The following PFDN1 variants were observed in gnomAD, a reference collection of about 807,000 sequenced individuals.
PFDN1 encodes the protein prefoldin subunit 1, also known as prefoldin 1.
A neutral mutation model predicts 17.3 loss-of-function variants in PFDN1; 6 were observed. The ratio of observed to expected loss-of-function variants is 0.35; its 90% CI spans 0.19 to 0.69. The LOEUF (loss-of-function observed/expected upper bound fraction) is 0.69, where lower values mean the gene tolerates loss of function less well. PFDN1 is among the 30% of genes least tolerant of loss of function. The pLI is 0.65. For missense variants in PFDN1, 113 were observed against 146.2 expected (o/e 0.77, Z 1.17); for synonymous variants, 58 against 50.1 (o/e 1.16, Z -0.67).
At chr5:140,287,172 G>A (rs1027556575) in intron 2 of PFDN1, among the ~76,000 whole-genome samples, 4 of 152,238 alleles carry the variant, frequency 2.6e-5, no homozygotes, top group Non-Finnish European at 5.9e-5. Context: ...TGCTTTATAT[G>A]TGTATGGGGA....
At chr5:140,257,979 G>C (rs1379258919) in intron 3 of PFDN1, among the ~76,000 whole-genome samples, 1 of 152,200 alleles carries the variant, frequency 6.6e-6, no homozygotes, top group African/African-American at 2.4e-5. Flanking sequence ...AGTGGGGAGA[G>C]AGTAATTCCA....
chr5:140,252,962 T>C (rs1362769774), intron 3 of PFDN1, among the ~76,000 whole-genome samples: 1 of 152,188 alleles, frequency 6.6e-6, no homozygotes, highest in Non-Finnish European at 1.5e-5. Flanking sequence ...TCCACGGATA[T>C]GCCCACTTGT....
rs535723059 is a variant in PFDN1, at chr5:140,295,904, G to T, written c.200+4512C>A. On this transcript the variant is annotated intron_variant, in intron 2 of 3. Coordinates refer to ENST00000261813, the MANE Select transcript of PFDN1 (RefSeq NM_002622.5). ...GTGTGAAGATGAGGAAGGTAAAATG[G>T]ATAAAAATACATTGATATTATTATG... 3.3e-5 allele frequency among the ~76,000 whole-genome samples: 5 copies of T among 151,864 alleles called. No homozygotes were observed. In the South Asian group the frequency reaches 1.0e-3, roughly 32 times the overall value.
At chr5:140,285,303 G>A (rs1387520789) in intron 2 of PFDN1, among the ~76,000 whole-genome samples, 3 of 149,708 alleles carry the variant, frequency 2.0e-5, no homozygotes, top group Non-Finnish European at 3.0e-5. Flanking sequence ...AGCCGAGATC[G>A]CGCCACTGCA....
intron 2 of PFDN1, among the ~76,000 whole-genome samples, chr5:140,291,084 A>G (rs1015485790): frequency 3.9e-5 from 6 of 152,224 alleles, no homozygotes; most frequent in African/African-American, 1.4e-4. Context: ...TCAGGCAGAG[A>G]AACTGGCAAG....
At position 140,245,582 on chromosome 5, in the gene PFDN1, G is replaced by A. The variant is rs987193921; in HGVS notation, c.*392C>T. The A allele has an allele frequency of 4.6e-5, 32 of 702,296 alleles. No homozygotes were observed. Among genetic ancestry groups the A allele is most frequent in the Non-Finnish European group, 7.8e-5 (30 of 385,000 alleles). 43.5% of individuals were successfully genotyped at this position (702,296 alleles called of 1,614,324 possible). On this transcript the variant is annotated 3_prime_UTR_variant, in exon 4 of 4. Coordinates refer to ENST00000261813, the MANE Select transcript of PFDN1 (RefSeq NM_002622.5). ...AGGAGCTGAGGTGGAGACGGCCACTGCCTCTCTCACCCTCTGTTCCATCCC... is the reference window on the plus strand; with the variant it reads ...AGGAGCTGAGGTGGAGACGGCCACTACCTCTCTCACCCTCTGTTCCATCCC...
chr5:140,248,407 A>G (rs1206073260), intron 3 of PFDN1, among the ~76,000 whole-genome samples: 1 of 151,586 alleles, frequency 6.6e-6, no homozygotes, highest in African/African-American at 2.4e-5. Context: ...GAGCTGAAAA[A>G]AGGCAAATAC....
chr5:140,280,025 AAG>A (rs1765371660), intron 3 of PFDN1, among the ~76,000 whole-genome samples: 1 of 149,774 alleles, frequency 6.7e-6, no homozygotes, highest in Non-Finnish European at 1.5e-5. Context: ...AAAAAAAGAA[AAG>A]AAAAGAAAAG....
intron 3 of PFDN1, among the ~76,000 whole-genome samples, chr5:140,276,369 A>C (rs1277910234): frequency 2.0e-5 from 3 of 152,238 alleles, no homozygotes; most frequent in Non-Finnish European, 4.4e-5. Flanking sequence ...AAGTAATTCT[A>C]TGCTAAGATC....
chr5:140,255,416 C>G (rs2126679674), intron 3 of PFDN1, among the ~76,000 whole-genome samples: 1 of 152,204 alleles, frequency 6.6e-6, no homozygotes, highest in South Asian at 2.1e-4. Flanking sequence ...AGAACCCTGG[C>G]CGAGAATATC....
chr5:140,259,005 C>T (rs1765026396), intron 3 of PFDN1, among the ~76,000 whole-genome samples: 2 of 152,146 alleles, frequency 1.3e-5, no homozygotes, highest in East Asian at 3.9e-4. Flanking sequence ...CATTTTAAGT[C>T]TGGAATGAAG....
At chr5:140,250,210 A>G (rs1764893273) in intron 3 of PFDN1, among the ~76,000 whole-genome samples, 1 of 152,168 alleles carries the variant, frequency 6.6e-6, no homozygotes, top group Non-Finnish European at 1.5e-5. Context: ...GAAGCCATGC[A>G]TGCATGGTCT....
At chr5:140,249,443 G>A (rs1764880637) in intron 3 of PFDN1, among the ~76,000 whole-genome samples, 1 of 152,176 alleles carries the variant, frequency 6.6e-6, no homozygotes, top group Non-Finnish European at 1.5e-5. Flanking sequence ...AGCTTATAAA[G>A]TTTTAAGGGC....
chr5:140,250,949 T>C (rs1764903848), intron 3 of PFDN1, among the ~76,000 whole-genome samples: 1 of 152,192 alleles, frequency 6.6e-6, no homozygotes, highest in Non-Finnish European at 1.5e-5. Flanking sequence ...TTTTATTTTT[T>C]TTTGAAACAG....
chr5:140,262,528 C>CTG, intron 3 of PFDN1: 1 of 456,092 alleles, frequency 2.2e-6, no homozygotes, highest in Non-Finnish European at 4.4e-6. Context: ...ATCAAACTGA[C>CTG]CTGCTGGCAC....
At chr5:140,279,515 T>TC (rs1389918704) in intron 3 of PFDN1, among the ~76,000 whole-genome samples, 1 of 151,734 alleles carries the variant, frequency 6.6e-6, no homozygotes, top group Non-Finnish European at 1.5e-5. Flanking sequence ...TTTTTTTTTT[T>TC]CCCTAAAGAG....
At position 140,275,358 on chromosome 5, in the gene PFDN1, G is replaced by A. The variant is rs537056018; in HGVS notation, c.285+6091C>T. Among the ~76,000 whole-genome samples the A allele has an allele frequency of 4.0e-5, 6 of 149,858 alleles. No individual in the cohort carries two copies. The East Asian group carries it at 7.8e-4, about 20-fold the overall frequency. On this transcript the variant is annotated intron_variant, in intron 3 of 3. Transcript: ENST00000261813. ...TGGGAGGCGGAGCCTGCAGTGAGCC[G>A]AGATTGCGCCACTGCACTCCAGCCT...
rs192952408 is a variant in PFDN1, at chr5:140,297,365, T to C, written c.200+3051A>G. 4.6e-5 allele frequency among the ~76,000 whole-genome samples: 7 copies of C among 152,260 alleles called. No homozygotes were observed. The East Asian group carries it at 1.2e-3, about 25-fold the overall frequency. On this transcript the variant is annotated intron_variant, in intron 2 of 3. Coordinates refer to ENST00000261813, the MANE Select transcript of PFDN1 (RefSeq NM_002622.5). ...TCGACTATAAATTCAGAAATAGATA[T>C]CTCAGGTTTAGCATCAAGAAAGAGA...
intron 2 of PFDN1, among the ~76,000 whole-genome samples, chr5:140,287,599 T>C (rs1441160927): frequency 6.6e-6 from 1 of 152,082 alleles, no homozygotes; most frequent in African/African-American, 2.4e-5. Context: ...TGGAGCATAC[T>C]GCAGTATGAG....
Sources: allele counts gnomAD v4.1 joint callset (sites outside exome capture counted in the v4.1 genomes callset), GRCh38; gene constraint gnomAD v4.1.1; transcripts MANE v1.5; gene names NCBI Gene and HGNC (gene_info 2026-07-23, HGNC 2026-07-21).